The following NRG3 variants were observed in gnomAD, a reference collection of about 807,000 sequenced individuals.
The protein encoded by NRG3 is pro-neuregulin-3, membrane-bound isoform.
NRG3 carries 31 observed loss-of-function variants against 66.9 expected under a neutral mutation model. That is an observed-to-expected ratio of 0.46 (90% confidence interval 0.35 to 0.63). NRG3 has a LOEUF of 0.63. NRG3 is among the 20% of genes least tolerant of loss of function. The pLI, the probability that NRG3 is intolerant of heterozygous loss-of-function variation, is 0.00. For synonymous variants in NRG3, 393 were observed against 359.4 expected, an observed-to-expected ratio of 1.09 and a Z score of -1.06; for missense variants, 910 against 878.9, an observed-to-expected ratio of 1.04 and a Z score of -0.45.
intron 2 of NRG3, among the ~76,000 whole-genome samples, chr10:82,706,713 G>T (rs1212212990): frequency 6.6e-6 from 1 of 152,222 alleles, no homozygotes; most frequent in African/African-American, 2.4e-5. Flanking sequence ...TAAATTTGAG[G>T]TTGGGCGTGG....
intron 2 of NRG3, among the ~76,000 whole-genome samples, chr10:82,706,282 G>A (rs754608039): frequency 9.9e-5 from 15 of 152,112 alleles, no homozygotes; most frequent in Non-Finnish European, 2.1e-4. Context: ...AATCTCCAGG[G>A]AGACGTGTGA....
At chr10:81,975,759 T>G (rs2060101995) in intron 1 of NRG3, among the ~76,000 whole-genome samples, 1 of 152,166 alleles carries the variant, frequency 6.6e-6, no homozygotes, top group Admixed American at 6.5e-5. Flanking sequence ...AAGGGAAAAT[T>G]AAGATTTCAC....
chr10:82,215,963 CTTTTTTTTTTT>C (rs71894841), intron 1 of NRG3, among the ~76,000 whole-genome samples: 3 of 89,720 alleles, frequency 3.3e-5, no homozygotes, highest in African/African-American at 9.3e-5. Flanking sequence ...TTATGTTTTC[CTTTTTTTTTTT>C]TTTTTTTTTT....
At chr10:82,947,313 A>G (rs1408441259) in intron 4 of NRG3, among the ~76,000 whole-genome samples, 2 of 152,096 alleles carry the variant, frequency 1.3e-5, no homozygotes, top group East Asian at 3.8e-4. Flanking sequence ...GCTGAGTACT[A>G]TTTCATTATA....
At chr10:82,048,877 A>G (rs2063446701) in intron 1 of NRG3, among the ~76,000 whole-genome samples, 1 of 151,962 alleles carries the variant, frequency 6.6e-6, no homozygotes, top group Non-Finnish European at 1.5e-5. Flanking sequence ...AAAAAAAGAG[A>G]GAAGAATCAA....
intron 1 of NRG3, among the ~76,000 whole-genome samples, chr10:82,059,795 C>T (rs2064039886): frequency 6.6e-6 from 1 of 152,112 alleles, no homozygotes; most frequent in African/African-American, 2.4e-5. Context: ...CTGGGAGACC[C>T]TTCTGCCTAC....
chr10:82,982,371 C>A (rs984663489), intron 8 of NRG3, among the ~76,000 whole-genome samples: 18 of 152,126 alleles, frequency 1.2e-4, no homozygotes, highest in African/African-American at 4.3e-4. Context: ...TTTGTAATTT[C>A]TTTGTTGAGG....
At chr10:82,693,517 G>GT (rs2055114152) in intron 2 of NRG3, among the ~76,000 whole-genome samples, 1 of 152,294 alleles carries the variant, frequency 6.6e-6, no homozygotes, top group African/African-American at 2.4e-5. Flanking sequence ...GTGTGACTGT[G>GT]TGTGAGTTAC....
At chr10:82,341,165 T>C (rs2082667115) in intron 1 of NRG3, among the ~76,000 whole-genome samples, 1 of 152,138 alleles carries the variant, frequency 6.6e-6, no homozygotes, top group South Asian at 2.1e-4. Context: ...ACATTGGTGT[T>C]GGGTAGATGG....
chr10:82,455,816 C>T (rs1195549907), intron 2 of NRG3, among the ~76,000 whole-genome samples: 24 of 152,092 alleles, frequency 1.6e-4, no homozygotes, highest in Admixed American at 1.4e-3. Context: ...GATGGGGTTT[C>T]ACCTCGTTAG....
At chr10:82,014,912 C>A in intron 1 of NRG3, among the ~76,000 whole-genome samples, 1 of 152,220 alleles carries the variant, frequency 6.6e-6, no homozygotes, top group African/African-American at 2.4e-5. Flanking sequence ...AGAGATTTCC[C>A]ATTCTACAAT....
Position 82,334,886 on chromosome 10 carries a change from C to CA in NRG3, c.824-23845dup, listed in dbSNP as rs552712929. 9.9e-5 allele frequency among the ~76,000 whole-genome samples: 15 copies of CA among 151,928 alleles called. 1 individual carries two copies. The South Asian group carries it at 1.9e-3, about 19-fold the overall frequency. Reference sequence around the variant, plus strand: ...AACACTACCAACAAATTTACCAAAACAAAAAAAATAATGTCACAGCTCTCA... The same window carrying CA: ...AACACTACCAACAAATTTACCAAAACAAAAAAAAATAATGTCACAGCTCTCA... On this transcript the variant is annotated intron_variant, in intron 1 of 8. Coordinates refer to ENST00000372141, the MANE Select transcript of NRG3 (RefSeq NM_001010848.4).
At chr10:81,932,298 G>A (rs1847449532) in intron 1 of NRG3, among the ~76,000 whole-genome samples, 1 of 152,168 alleles carries the variant, frequency 6.6e-6, no homozygotes, top group Admixed American at 6.5e-5. Flanking sequence ...ACCAGATCTT[G>A]TGAGAACTCA....
intron 1 of NRG3, among the ~76,000 whole-genome samples, chr10:81,996,381 A>T (rs541088542): frequency 2.0e-5 from 3 of 152,170 alleles, no homozygotes; most frequent in African/African-American, 7.2e-5. Context: ...CAAATGGCTT[A>T]TGGAGCTCTA....
At chr10:82,375,639 G>T (rs371861817) in intron 2 of NRG3, among the ~76,000 whole-genome samples, 5 of 152,154 alleles carry the variant, frequency 3.3e-5, no homozygotes, top group Admixed American at 2.6e-4. Flanking sequence ...AATGGAACAT[G>T]GACTTTTCAA....
intron 2 of NRG3, among the ~76,000 whole-genome samples, chr10:82,588,054 G>T (rs1590782342): frequency 6.6e-6 from 1 of 152,084 alleles, no homozygotes; most frequent in South Asian, 2.1e-4. Context: ...AGAGCTGCTG[G>T]GTTCAAAATT....
At position 82,585,819 on chromosome 10, in the gene NRG3, T is replaced by C. The variant is rs117429953; in HGVS notation, c.954-152758T>C. The stretch of plus-strand genomic sequence containing the variant: ...AAACATACACTGAAGCACTTTTTAG[T>C]GTGCTCTATCAATTGAATATTATAG... On this transcript the variant is annotated intron_variant, in intron 2 of 8. Coordinates refer to ENST00000372141, the MANE Select transcript of NRG3 (RefSeq NM_001010848.4). Among the ~76,000 whole-genome samples, 141 of 152,324 alleles carry C rather than the reference T, an allele frequency of 9.3e-4. 1 individual carries two copies. The East Asian group carries it at 0.025, about 27-fold the overall frequency.
chr10:82,349,433 C>T (rs1339838813), intron 1 of NRG3, among the ~76,000 whole-genome samples: 3 of 150,780 alleles, frequency 2.0e-5, no homozygotes, highest in Non-Finnish European at 4.4e-5. Context: ...CTCAGATCTC[C>T]AGCTGCGTAC....
At chr10:82,038,914 A>G (rs2062911409) in intron 1 of NRG3, among the ~76,000 whole-genome samples, 1 of 152,088 alleles carries the variant, frequency 6.6e-6, no homozygotes, top group South Asian at 2.1e-4. Flanking sequence ...AGGAAGAGAG[A>G]GGCCATGTAT....
Sources: allele counts gnomAD v4.1 joint callset (sites outside exome capture counted in the v4.1 genomes callset), GRCh38; gene constraint gnomAD v4.1.1; transcripts MANE v1.5; gene names NCBI Gene and HGNC (gene_info 2026-07-23, HGNC 2026-07-21).